VWC2: variants seen among roughly 807,000 people sequenced by gnomAD.
VWC2 encodes the protein von Willebrand factor C domain containing 2.
A neutral mutation model predicts 29.8 loss-of-function variants in VWC2; 14 were observed. The ratio of observed to expected loss-of-function variants is 0.47; its 90% CI spans 0.31 to 0.74. The LOEUF (loss-of-function observed/expected upper bound fraction) is 0.74. VWC2 is among the 30% of genes least tolerant of loss of function. The pLI, the probability that VWC2 is intolerant of heterozygous loss-of-function variation, is 0.05. For missense variants in VWC2, 457 were observed against 459.8 expected, an observed-to-expected ratio of 0.99 and a Z score of 0.05; for synonymous variants, 213 against 199.0, an observed-to-expected ratio of 1.07 and a Z score of -0.59.
At position 49,857,009 on chromosome 7, in the gene VWC2, CAAAAAAAAAAAAAA is replaced by C. The variant is rs59910243; in HGVS notation, c.826+54188_826+54201del. Among the ~76,000 whole-genome samples the C allele has an allele frequency of 1.3e-3, 69 of 52,788 alleles. 2 individuals are homozygous for C. In the South Asian group the frequency reaches 0.062, roughly 48 times the overall value. The allele number at this position is 52,788 out of a possible 152,430, so 34.6% of individuals were successfully genotyped here. ...TGGGTGACAGAGCCAGATACTGTCT[CAAAAAAAAAAAAAA>C]AAAAAAAAAAAAAAAAAAGACGTAA... is the stretch of plus-strand genomic sequence containing the variant. On this transcript the variant is annotated intron_variant, in intron 3 of 3. Transcript: ENST00000340652.
In VWC2 at chr7:49,856,289, A is replaced by G. The variant is rs572565408; in HGVS notation, c.826+53449A>G. On this transcript the variant is annotated intron_variant, in intron 3 of 3. Transcript: ENST00000340652. ...CCCCTTGGTAATGAGTGGGTTCTCA[A>G]TCTATTATCTCAAGTGAAATCTGGT... 3.3e-4 allele frequency among the ~76,000 whole-genome samples: 50 copies of G among 152,204 alleles called. 1 individual carries two copies. The South Asian group carries it at 9.6e-3, about 29-fold the overall frequency.
chr7:49,858,396 T>C (rs1265461694), intron 3 of VWC2, among the ~76,000 whole-genome samples: 10 of 152,104 alleles, frequency 6.6e-5, no homozygotes, highest in Admixed American at 5.9e-4. Flanking sequence ...TGAGTTCATG[T>C]CCTTTGTAGG....
chr7:49,806,494 A>T (rs145598867), intron 3 of VWC2, among the ~76,000 whole-genome samples: 107 of 152,324 alleles, frequency 7.0e-4, no homozygotes, highest in African/African-American at 2.5e-3. Context: ...TATTATTTGC[A>T]GCTTTATTTT....
intron 3 of VWC2, among the ~76,000 whole-genome samples, chr7:49,811,729 G>A (rs1054908683): frequency 5.9e-5 from 9 of 152,294 alleles, no homozygotes; most frequent in African/African-American, 1.2e-4. Context: ...CAAGTGGTGC[G>A]CCTACTTTGG....
chr7:49,858,021 A>G (rs1363656845), intron 3 of VWC2, among the ~76,000 whole-genome samples: 1 of 152,166 alleles, frequency 6.6e-6, no homozygotes, highest in Non-Finnish European at 1.5e-5. Context: ...CCTCGTGTCA[A>G]TGAAAGCTAT....
chr7:49,792,737 G>T (rs917925976), intron 2 of VWC2, among the ~76,000 whole-genome samples: 1 of 152,216 alleles, frequency 6.6e-6, no homozygotes, highest in Non-Finnish European at 1.5e-5. Flanking sequence ...TTTCCCTCGG[G>T]CTTGGCTGGA....
At chr7:49,845,927 C>T (rs960141363) in intron 3 of VWC2, among the ~76,000 whole-genome samples, 2 of 152,202 alleles carry the variant, frequency 1.3e-5, no homozygotes, top group Admixed American at 6.5e-5. Flanking sequence ...GGAGAGTTTT[C>T]ACTAATGAGT....
chr7:49,906,878 T>G (rs1446903063), intron 3 of VWC2, among the ~76,000 whole-genome samples: 1 of 152,204 alleles, frequency 6.6e-6, no homozygotes, highest in Non-Finnish European at 1.5e-5. Flanking sequence ...AATACAGGCT[T>G]TACTAATCAA....
chr7:49,900,129 T>G (rs1792634678), intron 3 of VWC2, among the ~76,000 whole-genome samples: 1 of 151,736 alleles, frequency 6.6e-6, no homozygotes, highest in South Asian at 2.1e-4. Flanking sequence ...AATAAAAATT[T>G]AGTTTATTTT....
chr7:49,821,559 A>G (rs562522407), intron 3 of VWC2, among the ~76,000 whole-genome samples: 1 of 152,312 alleles, frequency 6.6e-6, no homozygotes, highest in South Asian at 2.1e-4. Context: ...AAGCAGCAAA[A>G]CATTAAATAA....
chr7:49,873,737 AT>A (rs1307035902), intron 3 of VWC2, among the ~76,000 whole-genome samples: 4 of 152,194 alleles, frequency 2.6e-5, no homozygotes, highest in African/African-American at 9.7e-5. Flanking sequence ...CAACATGTAT[AT>A]TTGTTAAATC....
intron 2 of VWC2, among the ~76,000 whole-genome samples, chr7:49,784,868 A>C (rs1788259038): frequency 6.6e-6 from 1 of 152,206 alleles, no homozygotes; most frequent in Non-Finnish European, 1.5e-5. Context: ...TGTTCCAAGT[A>C]ATGTGACCTC....
At chr7:49,782,640 T>C (rs1364420938) in intron 2 of VWC2, among the ~76,000 whole-genome samples, 1 of 145,984 alleles carries the variant, frequency 6.9e-6, no homozygotes, top group Non-Finnish European at 1.5e-5. Flanking sequence ...AGTCCAGGAG[T>C]TCAAGCCCAG....
At chr7:49,856,803 A>T (rs547753763) in intron 3 of VWC2, among the ~76,000 whole-genome samples, 6 of 151,954 alleles carry the variant, frequency 3.9e-5, no homozygotes, top group Non-Finnish European at 8.8e-5. Context: ...AGGTCAGGAG[A>T]TCGAGACCAT....
intron 3 of VWC2, among the ~76,000 whole-genome samples, chr7:49,854,340 G>A (rs1342581099): frequency 6.6e-6 from 1 of 152,158 alleles, no homozygotes; most frequent in African/African-American, 2.4e-5. Context: ...CAATGTAAAC[G>A]TGTTCCTATT....
chr7:49,816,720 G>A (rs1220993657), intron 3 of VWC2, among the ~76,000 whole-genome samples: 3 of 152,176 alleles, frequency 2.0e-5, no homozygotes, highest in African/African-American at 4.8e-5. Context: ...ATGCTTTTTT[G>A]TTCAGTGTTC....
At chr7:49,783,766 A>G (rs1583622765) in intron 2 of VWC2, among the ~76,000 whole-genome samples, 2 of 152,122 alleles carry the variant, frequency 1.3e-5, no homozygotes, top group Non-Finnish European at 1.5e-5. Flanking sequence ...TTAAAACTCC[A>G]TGGCCAGGCA....
chr7:49,835,461 A>T (rs1178623693), intron 3 of VWC2, among the ~76,000 whole-genome samples: 1 of 152,152 alleles, frequency 6.6e-6, no homozygotes, highest in African/African-American at 2.4e-5. Flanking sequence ...GAGAATCAGG[A>T]CTGAACACTT....
In VWC2 at chr7:49,919,488, C is replaced by T. The variant is rs1197357132; in HGVS notation, c.*7303C>T. On this transcript the variant is annotated 3_prime_UTR_variant, in exon 4 of 4. Coordinates refer to ENST00000340652, the MANE Select transcript of VWC2 (RefSeq NM_198570.5). ...AAGTTACCATTGTATGTTCCAATGA[C>T]ATAAAAAACTAAGTGCCTGCTTGGG... 1 of 152,058 alleles carries T rather than the reference C, an allele frequency of 6.6e-6. No homozygotes were observed. The highest frequency in any genetic ancestry group is 1.5e-5 in the Non-Finnish European group (1 of 68,020). The allele number at this position is 152,058 out of a possible 1,614,324, so 9.4% of individuals were successfully genotyped here. A position where few individuals can be genotyped will look rare whatever the true frequency, so the allele number is the denominator to read the frequency against.
Sources: gnomAD v4.1 joint callset for allele counts (sites outside exome capture counted in the v4.1 genomes callset) on GRCh38, gnomAD v4.1.1 for gene constraint, MANE v1.5 for transcripts, NCBI Gene and HGNC (gene_info 2026-07-23, HGNC 2026-07-21) for gene names.